The following ARHGAP35 variants were observed in gnomAD, a reference collection of about 807,000 sequenced individuals.
ARHGAP35 encodes Rho GTPase activating protein 35.
A neutral mutation model predicts 111.1 loss-of-function variants in ARHGAP35; 15 were observed. The ratio of observed to expected loss-of-function variants is 0.13; its 90% CI spans 0.09 to 0.21. The LOEUF is 0.21. Among genes scored for constraint, ARHGAP35 ranks in the 10% least tolerant of loss-of-function variants. ARHGAP35 has a pLI of 1.00. For missense variants in ARHGAP35, 1,262 were observed against 1,873.0 expected, an observed-to-expected ratio of 0.67 and a Z score of 6.02; for synonymous variants, 643 against 710.3, an observed-to-expected ratio of 0.91 and a Z score of 1.51.
intron 3 of ARHGAP35, among the ~76,000 whole-genome samples, chr19:46,940,750 C>G (rs138716252): frequency 6.6e-6 from 1 of 152,146 alleles, no homozygotes; most frequent in East Asian, 1.9e-4. Context: ...CCACTGTGCC[C>G]GGCCTTGGCT....
At chr19:46,903,096 G>A (rs562669535) in intron 1 of ARHGAP35, among the ~76,000 whole-genome samples, 2 of 152,260 alleles carry the variant, frequency 1.3e-5, no homozygotes, top group Non-Finnish European at 2.9e-5. Context: ...CTTGACAGTG[G>A]GTTTTCTGAG....
At position 46,994,074 on chromosome 19, in the gene ARHGAP35, C is replaced by T. The variant is rs538732703; in HGVS notation, c.4036+4399C>T. On this transcript the variant is annotated intron_variant, in intron 5 of 6. Coordinates refer to ENST00000672722, the MANE Select transcript of ARHGAP35 (RefSeq NM_004491.5). The surrounding 1 kb of genome is among the most constrained non-coding windows in gnomAD (Gnocchi z 5.4). ...GTGGAGGTTACACCAAAAGTCTGGACGAGCGGACCTGGGAATCCACAAACC... is the reference window on the plus strand; with the variant it reads ...GTGGAGGTTACACCAAAAGTCTGGATGAGCGGACCTGGGAATCCACAAACC... 6.6e-5 allele frequency among the ~76,000 whole-genome samples: 10 copies of T among 152,214 alleles called. No homozygotes were observed. In the East Asian group the frequency reaches 1.5e-3, roughly 24 times the overall value.
At chr19:46,942,603 C>T (rs2056354590) in intron 3 of ARHGAP35, among the ~76,000 whole-genome samples, 1 of 151,902 alleles carries the variant, frequency 6.6e-6, no homozygotes, top group African/African-American at 2.4e-5. Flanking sequence ...CACCACTGCA[C>T]TCCAGCCTGG....
In ARHGAP35 at chr19:46,921,311, A is replaced by G; in HGVS notation, c.2636A>G (p.Asp879Gly). 6.2e-7 allele frequency: 1 copy of G among 1,613,956 alleles called. No individual in the cohort carries two copies. Among genetic ancestry groups the G allele is most frequent in the Non-Finnish European group, 8.5e-7 (1 of 1,179,884 alleles). ...CGTGCCTTTCTTTGTGAAGTGCAGGATATTATCCCTATTCAGCTTGTAGCA... is the reference window on the plus strand; with the variant it reads ...CGTGCCTTTCTTTGTGAAGTGCAGGGTATTATCCCTATTCAGCTTGTAGCA... ...MLRAFLCEVQ[D>G]IIPIQLVALT... Residue 879 changes from aspartate to glycine, a missense_variant, in exon 2 of 7, where the codon GAT (aspartate) becomes GGT (glycine). Asp to Gly is a moderately conservative substitution (Grantham distance 94). Transcript: ENST00000672722. This position sits in a 1 kb window ranked among gnomAD's most constrained non-coding sequence, Gnocchi z 4.3.
rs550891619 is a variant in ARHGAP35, at chr19:46,880,758, T to G, written c.-189+19549T>G. On this transcript the variant is annotated intron_variant, in intron 1 of 6. Transcript: ENST00000672722. ...GTAGTGTGATCATAGCTACTGCAAC[T>G]TTGAACTCCTGGGCTCAAGGGATCC... Among the ~76,000 whole-genome samples the G allele has an allele frequency of 2.0e-5, 3 of 152,050 alleles. No individual in the cohort carries two copies. In the East Asian group the frequency reaches 5.8e-4, roughly 29 times the overall value.
At chr19:46,997,976 C>T (rs748786357) in intron 5 of ARHGAP35, among the ~76,000 whole-genome samples, 1 of 152,064 alleles carries the variant, frequency 6.6e-6, no homozygotes, top group African/African-American at 2.4e-5. Context: ...GTGGCGGGCA[C>T]CTGTAATCCC....
In ARHGAP35 at chr19:46,945,073, C is replaced by A. The variant is rs965207133; in HGVS notation, c.3826+7665C>A. On this transcript the variant is annotated intron_variant, in intron 3 of 6. Coordinates refer to ENST00000672722, the MANE Select transcript of ARHGAP35 (RefSeq NM_004491.5). The surrounding 1 kb of genome is among the most constrained non-coding windows in gnomAD (Gnocchi z 4.1). The stretch of plus-strand genomic sequence containing the variant: ...CTGTGCTAATAGGATATTCGACTTT[C>A]ACTCTCTCAGCTCCGGTTACATGGA... Among the ~76,000 whole-genome samples the A allele has an allele frequency of 1.3e-5, 2 of 152,188 alleles. No homozygotes were observed. The highest frequency in any genetic ancestry group is 4.8e-5 in the African/African-American group (2 of 41,446).
At chr19:46,899,246 C>T (rs1208357627) in intron 1 of ARHGAP35, among the ~76,000 whole-genome samples, 1 of 152,010 alleles carries the variant, frequency 6.6e-6, no homozygotes, top group Non-Finnish European at 1.5e-5. Flanking sequence ...AAGGGGATAG[C>T]CAGAGTGGTG....
At chr19:46,910,477 T>C (rs1201378525) in intron 1 of ARHGAP35, among the ~76,000 whole-genome samples, 2 of 150,696 alleles carry the variant, frequency 1.3e-5, no homozygotes, top group Admixed American at 1.3e-4. Context: ...TTTTTTTGTA[T>C]TTTGGGGTTT....
At chr19:46,927,411 G>A (rs1325018547) in intron 2 of ARHGAP35, among the ~76,000 whole-genome samples, 1 of 152,220 alleles carries the variant, frequency 6.6e-6, no homozygotes, top group Non-Finnish European at 1.5e-5. Flanking sequence ...CTAAACTGCG[G>A]TATCAGGAAA....
chr19:46,896,876 T>G (rs1040046364), intron 1 of ARHGAP35, among the ~76,000 whole-genome samples: 7 of 152,130 alleles, frequency 4.6e-5, no homozygotes, highest in Admixed American at 1.3e-4. Context: ...AGCATTTATC[T>G]ACTGGGCATG....
chr19:46,898,240 C>CAAAA (rs745892205), intron 1 of ARHGAP35, among the ~76,000 whole-genome samples: 1 of 66,476 alleles, frequency 1.5e-5, no homozygotes. Flanking sequence ...GACTCCGTCT[C>CAAAA]AAAAAAAAAA....
chr19:46,957,111 ACCACCACGCCC>A (rs1568479134), intron 3 of ARHGAP35, among the ~76,000 whole-genome samples: 1 of 151,670 alleles, frequency 6.6e-6, no homozygotes, highest in African/African-American at 2.4e-5. Context: ...ACAGGCACAC[ACCACCACGCCC>A]AACTAATTTT....
At chr19:46,976,881 C>T (rs1171838587) in intron 3 of ARHGAP35, among the ~76,000 whole-genome samples, 3 of 152,360 alleles carry the variant, frequency 2.0e-5, no homozygotes, top group African/African-American at 4.8e-5. Context: ...CTCACTCACA[C>T]GCACACCTTC....
rs1000951088 is a variant in ARHGAP35 at position 47,001,686 on chromosome 19, AAC to A, written c.*1002_*1003del. On this transcript the variant is annotated 3_prime_UTR_variant, in exon 7 of 7. Transcript: ENST00000672722. This position sits in a 1 kb window ranked among gnomAD's most constrained non-coding sequence, Gnocchi z 5.4. ...CAGGCTGGAACCTGGGCTGCCCCAG[AAC>A]ACAGTCCATTACGATAGAAACACTA... The A allele has an allele frequency of 7.2e-4, 252 of 348,582 alleles. 1 individual carries two copies. Among genetic ancestry groups the A allele is most frequent in the African/African-American group, 5.0e-3 (234 of 46,770 alleles). The allele number at this position is 348,582 out of a possible 1,614,324, so 21.6% of individuals were successfully genotyped here.
intron 3 of ARHGAP35, among the ~76,000 whole-genome samples, chr19:46,943,122 C>G (rs1172418107): frequency 1.3e-5 from 2 of 152,006 alleles, no homozygotes; most frequent in Non-Finnish European, 2.9e-5. Context: ...CTCACGGCAG[C>G]CTCTAACTCC....
chr19:46,949,856 G>A (rs1055527164), intron 3 of ARHGAP35, among the ~76,000 whole-genome samples: 2 of 152,208 alleles, frequency 1.3e-5, no homozygotes, highest in African/African-American at 4.8e-5. Context: ...TATTTTGGTA[G>A]CTCCTGTCAC....
intron 3 of ARHGAP35, among the ~76,000 whole-genome samples, chr19:46,954,829 T>G (rs532787092): frequency 6.6e-6 from 1 of 152,362 alleles, no homozygotes; most frequent in East Asian, 1.9e-4. Flanking sequence ...AATCAGTGTT[T>G]CTGTTCTGTG....
chr19:46,873,377 A>G (rs1241966298), intron 1 of ARHGAP35, among the ~76,000 whole-genome samples: 1 of 152,058 alleles, frequency 6.6e-6, no homozygotes, highest in Admixed American at 6.6e-5. Context: ...CACACTTGTA[A>G]TCCTAGCACT....
Sources: allele counts gnomAD v4.1 joint callset (sites outside exome capture counted in the v4.1 genomes callset), GRCh38; gene constraint gnomAD v4.1.1; non-coding constraint Gnocchi (gnomAD v3.1); transcripts MANE v1.5; gene names NCBI Gene and HGNC (gene_info 2026-07-23, HGNC 2026-07-21).